The following RBFOX1 variants were observed in gnomAD, a reference collection of about 807,000 sequenced individuals.
RBFOX1 encodes RNA binding protein fox-1 homolog 1.
Under a neutral mutation model 57.7 loss-of-function variants are expected in RBFOX1, and 8 were observed. That is an observed-to-expected ratio of 0.14 (90% CI 0.08 to 0.25). The LOEUF is 0.25. Among genes scored for constraint, RBFOX1 ranks in the 10% least tolerant of loss-of-function variants. The pLI, the probability that RBFOX1 is intolerant of heterozygous loss-of-function variation, is 1.00. For synonymous variants in RBFOX1, 326 were observed against 222.4 expected, an observed-to-expected ratio of 1.47 and a Z score of -4.15; for missense variants, 611 against 548.5, an observed-to-expected ratio of 1.11 and a Z score of -1.14.
intron 3 of RBFOX1, among the ~76,000 whole-genome samples, chr16:6,904,267 C>A (rs1006142598): frequency 6.6e-6 from 1 of 152,074 alleles, no homozygotes; most frequent in African/African-American, 2.4e-5. Flanking sequence ...TGTTGTTGAA[C>A]CTGTTCTCTG....
At position 7,493,842 on chromosome 16, in the gene RBFOX1, A is replaced by G. The variant is rs139888495; in HGVS notation, c.28-24305A>G. 2.4e-3 allele frequency among the ~76,000 whole-genome samples: 366 copies of G among 152,334 alleles called. 2 individuals carry two copies. The highest frequency in any genetic ancestry group is 8.4e-3 in the African/African-American group (351 of 41,584). Reference sequence around the variant, plus strand: ...GTTTCTGGTAATTTGTTATAACAACAATAGAACGCTGATAAAATCATCATT... The same window carrying G: ...GTTTCTGGTAATTTGTTATAACAACGATAGAACGCTGATAAAATCATCATT... On this transcript the variant is annotated intron_variant, in intron 4 of 15. Transcript: ENST00000550418.
intron 3 of RBFOX1, among the ~76,000 whole-genome samples, chr16:6,979,390 TG>T (rs1297852706): frequency 5.3e-4 from 4 of 7,494 alleles, no homozygotes; most frequent in Non-Finnish European, 9.6e-4. Flanking sequence ...CACTTTCCAT[TG>T]TGCGATAGAC....
At chr16:7,167,227 C>G (rs529933368) in intron 4 of RBFOX1, among the ~76,000 whole-genome samples, 259 of 151,872 alleles carry the variant, frequency 1.7e-3, no homozygotes, top group Middle Eastern at 3.4e-3. Flanking sequence ...CTTAAGTGAT[C>G]TGCCAGCTTC....
chr16:7,232,887 A>G (rs2152927245), intron 4 of RBFOX1, among the ~76,000 whole-genome samples: 1 of 152,000 alleles, frequency 6.6e-6, no homozygotes, highest in South Asian at 2.1e-4. Flanking sequence ...AGGTAACAGA[A>G]ACAAAGAACT....
At chr16:6,330,692 C>G (rs904065408) in intron 2 of RBFOX1, among the ~76,000 whole-genome samples, 3 of 152,180 alleles carry the variant, frequency 2.0e-5, no homozygotes, top group Non-Finnish European at 4.4e-5. Context: ...GTCTTACTTT[C>G]TCTAGAGGAA....
intron 5 of RBFOX1, among the ~76,000 whole-genome samples, chr16:7,553,545 T>C (rs1601665098): frequency 6.6e-6 from 1 of 152,204 alleles, no homozygotes; most frequent in African/African-American, 2.4e-5. Flanking sequence ...CTACTGAACA[T>C]TGCTGAATAC....
At chr16:6,093,942 A>T (rs1292378799) in intron 1 of RBFOX1, among the ~76,000 whole-genome samples, 1 of 152,080 alleles carries the variant, frequency 6.6e-6, no homozygotes, top group African/African-American at 2.4e-5. Flanking sequence ...GAGAAGTCAT[A>T]TTCTTCCTCT....
At chr16:6,820,693 C>A (rs765078916) in intron 3 of RBFOX1, among the ~76,000 whole-genome samples, 2 of 136,328 alleles carry the variant, frequency 1.5e-5, no homozygotes, top group East Asian at 4.1e-4. Flanking sequence ...CAAACAAAAA[C>A]CGAAAACTGC....
intron 1 of RBFOX1, among the ~76,000 whole-genome samples, chr16:5,375,645 T>C (rs1167603320): frequency 6.6e-6 from 1 of 152,166 alleles, no homozygotes; most frequent in African/African-American, 2.4e-5. Flanking sequence ...TAATATCCAG[T>C]ATTTATGAAG....
Position 6,971,660 on chromosome 16 carries a change from T to C in RBFOX1, c.-15-80397T>C, listed in dbSNP as rs145027109. Among the ~76,000 whole-genome samples, 356 of 152,196 alleles carry C rather than the reference T, an allele frequency of 2.3e-3. 1 individual carries two copies. Among genetic ancestry groups the C allele is most frequent in the African/African-American group, 8.3e-3 (345 of 41,542 alleles). ...GTCAAACATTCCAATTAGGAAGCCATTGCAATAGTCCTGGATAGAGATGAC... is the reference window on the plus strand; with the variant it reads ...GTCAAACATTCCAATTAGGAAGCCACTGCAATAGTCCTGGATAGAGATGAC... On this transcript the variant is annotated intron_variant, in intron 3 of 15. Transcript: ENST00000550418.
chr16:6,140,187 C>CTTTTTTTTTT (rs5815288), intron 1 of RBFOX1, among the ~76,000 whole-genome samples: 2 of 137,294 alleles, frequency 1.5e-5, no homozygotes, highest in African/African-American at 2.7e-5. Context: ...CTGGAAATGA[C>CTTTTTTTTTT]TTTTTTTTTT....
intron 1 of RBFOX1, among the ~76,000 whole-genome samples, chr16:6,029,340 G>A (rs186460805): frequency 3.3e-5 from 5 of 152,234 alleles, no homozygotes; most frequent in African/African-American, 9.6e-5. Context: ...ATTGTGCTTC[G>A]CTGGTGTCAG....
rs552463974 is a variant in RBFOX1 at position 6,168,423 on chromosome 16, T to C, written c.-127+148431T>C. ...TACGTAGAGCCAGGCAAGCTCACAT[T>C]ACAGTCAGGCTCCCAAAGATGTTGG... On this transcript the variant is annotated intron_variant, in intron 1 of 15. Coordinates refer to ENST00000550418, the MANE Select transcript of RBFOX1 (RefSeq NM_018723.4). Among the ~76,000 whole-genome samples the C allele has an allele frequency of 1.9e-4, 29 of 152,242 alleles. 2 individuals are homozygous for C. In the South Asian group the frequency reaches 5.8e-3, roughly 30 times the overall value.
intron 1 of RBFOX1, among the ~76,000 whole-genome samples, chr16:6,138,649 C>G (rs754030512): frequency 6.6e-6 from 1 of 152,022 alleles, no homozygotes; most frequent in Non-Finnish European, 1.5e-5. Context: ...GGACAGATCA[C>G]GAGGTCAGGA....
chr16:6,944,857 C>G (rs529513454), intron 3 of RBFOX1, among the ~76,000 whole-genome samples: 14 of 152,228 alleles, frequency 9.2e-5, no homozygotes, highest in African/African-American at 2.9e-4. Context: ...ATTAGCAACT[C>G]CAATTGATTG....
At chr16:6,139,196 C>G (rs1265412504) in intron 1 of RBFOX1, among the ~76,000 whole-genome samples, 1 of 152,102 alleles carries the variant, frequency 6.6e-6, no homozygotes, top group African/African-American at 2.4e-5. Context: ...AGGACTGAAT[C>G]CAAGGACATC....
At chr16:6,708,645 C>A (rs906490157) in intron 3 of RBFOX1, among the ~76,000 whole-genome samples, 1 of 152,160 alleles carries the variant, frequency 6.6e-6, no homozygotes. Flanking sequence ...GACAAATCTG[C>A]CACTATGCAT....
At chr16:6,679,533 G>C (rs538524047) in intron 3 of RBFOX1, among the ~76,000 whole-genome samples, 31 of 152,188 alleles carry the variant, frequency 2.0e-4, no homozygotes, top group African/African-American at 6.7e-4. Flanking sequence ...CAGAGCAATG[G>C]GGAAACATGT....
At chr16:7,266,281 G>C (rs1037752801) in intron 4 of RBFOX1, among the ~76,000 whole-genome samples, 2 of 151,846 alleles carry the variant, frequency 1.3e-5, no homozygotes, top group African/African-American at 4.8e-5. Flanking sequence ...GGCCGGTAGA[G>C]ATGTGGTGAT....
Sources: gnomAD v4.1 joint callset for allele counts (sites outside exome capture counted in the v4.1 genomes callset) on GRCh38, gnomAD v4.1.1 for gene constraint, MANE v1.5 for transcripts, NCBI Gene and HGNC (gene_info 2026-07-23, HGNC 2026-07-21) for gene names.